The following SHISAL1 variants were observed in gnomAD, a reference collection of about 807,000 sequenced individuals.
SHISAL1 encodes shisa like 1, also known as protein shisa-like-1.
A neutral mutation model predicts 22.6 loss-of-function variants in SHISAL1; 9 were observed. That is an observed-to-expected ratio of 0.40 (90% CI 0.24 to 0.70). SHISAL1 has a LOEUF of 0.70. Among genes scored for constraint, SHISAL1 ranks in the 30% least tolerant of loss-of-function variants. SHISAL1 has a pLI of 0.39. For synonymous variants in SHISAL1, 119 were observed against 115.4 expected (o/e 1.03, Z -0.20); for missense variants, 246 against 270.6 (o/e 0.91, Z 0.64).
At chr22:44,311,333 G>A (rs977396888) in intron 1 of SHISAL1, among the ~76,000 whole-genome samples, 2 of 152,186 alleles carry the variant, frequency 1.3e-5, no homozygotes, top group African/African-American at 4.8e-5. Context: ...GGGAAGGCAC[G>A]CAGGTGACCT....
chr22:44,285,476 C>G lies in SHISAL1; in HGVS notation c.551G>C (p.Gly184Ala). 1 of 1,614,066 alleles carries G rather than the reference C, an allele frequency of 6.2e-7. No individual in the cohort carries two copies. The highest frequency in any genetic ancestry group is 8.5e-7 in the Non-Finnish European group (1 of 1,179,942). Reference sequence around the variant, plus strand: ...CATCAGCGGTGGGCTGTGAGCATCTCCCCGCAATGTGTGCACGGCCTGTGG... The same window carrying G: ...CATCAGCGGTGGGCTGTGAGCATCTGCCCGCAATGTGTGCACGGCCTGTGG... ...QAPQAVHTLRGDAHSPPLMTF... is the reference protein window; with the variant it reads ...QAPQAVHTLRADAHSPPLMTF... Residue 184 changes from glycine (G) to alanine (A), a missense_variant, in exon 4 of 5, where the codon GGA (glycine) becomes GCA (alanine). Coordinates refer to ENST00000381176, the MANE Select transcript of SHISAL1 (RefSeq NM_001099294.2).
chr22:44,314,949 C>T (rs1047934589), upstream of SHISAL1, among the ~76,000 whole-genome samples: 8 of 152,184 alleles, frequency 5.3e-5, no homozygotes, highest in African/African-American at 1.4e-4. Context: ...GCACAGTACG[C>T]TTTCTAGAAG....
the SHISAL1 span, among the ~76,000 whole-genome samples, chr22:44,326,875 G>A: frequency 1.4e-3 from 206 of 152,144 alleles, no homozygotes; most frequent in African/African-American, 4.7e-3. Flanking sequence ...GGAGTGCCTC[G>A]GTGGGCTTCA....
At chr22:44,309,548 C>CT (rs567757563) in intron 1 of SHISAL1, among the ~76,000 whole-genome samples, 2 of 152,220 alleles carry the variant, frequency 1.3e-5, no homozygotes, top group South Asian at 4.1e-4. Flanking sequence ...CTCAGTCTCT[C>CT]TGTTACACAG....
Position 44,247,967 on chromosome 22 carries a change from C to T in SHISAL1, c.*1718G>A, listed in dbSNP as rs963410311. 1.4e-4 allele frequency: 21 copies of T among 152,144 alleles called. No homozygotes were observed. The highest frequency in any genetic ancestry group is 4.8e-4 in the African/African-American group (20 of 41,416). 9.4% of individuals were successfully genotyped at this position (152,144 alleles called of 1,614,324 possible). On this transcript the variant is annotated 3_prime_UTR_variant, in exon 5 of 5. Transcript: ENST00000381176. Reference sequence around the variant, plus strand: ...ATCTTTGCACTAGCCGTTCCTTCTGCCTGGAATGCTCTTTTCCTATCTTTA... The same window carrying T: ...ATCTTTGCACTAGCCGTTCCTTCTGTCTGGAATGCTCTTTTCCTATCTTTA...
chr22:44,280,587 T>G (rs1407898511), intron 4 of SHISAL1, among the ~76,000 whole-genome samples: 1 of 151,744 alleles, frequency 6.6e-6, no homozygotes, highest in Non-Finnish European at 1.5e-5. Context: ...AGGGGGCCGC[T>G]CAGGTAGGGA....
intron 1 of SHISAL1, among the ~76,000 whole-genome samples, chr22:44,303,342 G>T (rs1369595698): frequency 1.3e-5 from 2 of 152,118 alleles, no homozygotes; most frequent in Non-Finnish European, 2.9e-5. Context: ...GGTCATCACG[G>T]AGGTCATTAG....
chr22:44,285,461 G>C lies in SHISAL1; in HGVS notation c.566C>G (p.Pro189Arg). The C allele has an allele frequency of 6.2e-7, 1 of 1,614,064 alleles. No homozygotes were observed. The highest frequency in any genetic ancestry group is 8.5e-7 in the Non-Finnish European group (1 of 1,179,934). Residue 189 changes from proline to arginine, a missense_variant, in exon 4 of 5, where the codon CCA becomes CGA. Physicochemically the swap from Pro to Arg is moderately radical, Grantham distance 103 (BLOSUM62 -2). Around this residue, in one of 2 missense-constraint regions of SHISAL1, gnomAD observed 136 missense variants for 117.5 expected, o/e 1.16. Transcript: ENST00000381176. ...VHTLRGDAHS[P>R]PLMTFQSSSA ...CGAACTCTGGAAGGTCATCAGCGGT[G>C]GGCTGTGAGCATCTCCCCGCAATGT... is the stretch of plus-strand genomic sequence containing the variant.
intron 4 of SHISAL1, among the ~76,000 whole-genome samples, chr22:44,265,649 T>C (rs183276934): frequency 7.2e-5 from 11 of 152,314 alleles, no homozygotes; most frequent in Admixed American, 2.6e-4. Context: ...GTGGGGTAAC[T>C]TGTTACACAG....
chr22:44,273,379 C>T (rs963763250), intron 4 of SHISAL1, among the ~76,000 whole-genome samples: 7 of 152,182 alleles, frequency 4.6e-5, no homozygotes, highest in African/African-American at 1.4e-4. Flanking sequence ...ACAGACACAA[C>T]AGATGCAAAT....
chr22:44,304,069 G>C (rs1170614537), intron 1 of SHISAL1, among the ~76,000 whole-genome samples: 1 of 152,242 alleles, frequency 6.6e-6, no homozygotes, highest in Non-Finnish European at 1.5e-5. Context: ...CCCTCTGCAT[G>C]CCCAGACTGT....
chr22:44,257,190 C>G (rs1196849965), intron 4 of SHISAL1, among the ~76,000 whole-genome samples: 5 of 152,222 alleles, frequency 3.3e-5, no homozygotes, highest in African/African-American at 7.2e-5. Flanking sequence ...CATCCTCTGA[C>G]CCAGTGGTCT....
intron 4 of SHISAL1, among the ~76,000 whole-genome samples, chr22:44,281,740 G>C (rs1432975935): frequency 6.6e-6 from 1 of 152,196 alleles, no homozygotes; most frequent in South Asian, 2.1e-4. Context: ...AGAAGACACA[G>C]TCCAGAGAAT....
intron 2 of SHISAL1, 151 bp from the exon 3 acceptor site, chr22:44,297,036 T>C: frequency 1.6e-6 from 1 of 635,542 alleles, no homozygotes; most frequent in Non-Finnish European, 2.8e-6. Context: ...CACCTCTGGG[T>C]TCCCATTACC....
chr22:44,282,614 G>A (rs1278428730), intron 4 of SHISAL1, among the ~76,000 whole-genome samples: 2 of 152,232 alleles, frequency 1.3e-5, no homozygotes, highest in Non-Finnish European at 2.9e-5. Flanking sequence ...AGCTGGGGTG[G>A]GCAGGGGAGA....
At chr22:44,280,413 T>A (rs2055268025) in intron 4 of SHISAL1, among the ~76,000 whole-genome samples, 1 of 152,070 alleles carries the variant, frequency 6.6e-6, no homozygotes, top group Non-Finnish European at 1.5e-5. Context: ...CACAAGGTGA[T>A]GAGGTGTCCT....
chr22:44,279,211 C>T (rs771560265), intron 4 of SHISAL1, among the ~76,000 whole-genome samples: 8 of 152,298 alleles, frequency 5.3e-5, no homozygotes, highest in Non-Finnish European at 7.4e-5. Context: ...AAGGAGGGAA[C>T]GCGCGCCTTC....
chr22:44,300,841 C>A (rs113050020), intron 2 of SHISAL1, 38 bp downstream of exon 2: 4 of 1,581,836 alleles, frequency 2.5e-6, no homozygotes, highest in South Asian at 1.1e-5. Context: ...CACACCCCCA[C>A]GTGCCGCCCC....
chr22:44,249,504 A>T lies in SHISAL1; in HGVS notation c.*181T>A, dbSNP rs2055031313. On this transcript the variant is annotated 3_prime_UTR_variant, in exon 5 of 5. Transcript: ENST00000381176. ...CCTGCACCCCCAGCCCCTACCCCTG[A>T]GTTTGCTCCTAATCTTAGAAGTCCG... 13 of 468,716 alleles carry T rather than the reference A, an allele frequency of 2.8e-5. No homozygotes were observed. The highest frequency in any genetic ancestry group is 4.1e-5 in the Non-Finnish European group (10 of 246,678). The allele number at this position is 468,716 out of a possible 1,614,324, so 29.0% of individuals were successfully genotyped here. A position where few individuals can be genotyped will look rare whatever the true frequency, so the allele number is the denominator to read the frequency against.
Sources: allele counts gnomAD v4.1 joint callset (sites outside exome capture counted in the v4.1 genomes callset), GRCh38; gene constraint gnomAD v4.1.1; regional missense constraint gnomAD v4.1.1; transcripts MANE v1.5; gene names NCBI Gene and HGNC (gene_info 2026-07-23, HGNC 2026-07-21).